Variants in FANCM observed in about 807,000 individuals in gnomAD.
The protein encoded by FANCM is FA complementation group M, also known as Fanconi anemia group M protein.
FANCM carries 140 observed loss-of-function variants against 199.5 expected under a neutral mutation model. The ratio of observed to expected loss-of-function variants is 0.70; its 90% confidence interval spans 0.61 to 0.81. FANCM has a LOEUF of 0.81. Among genes scored for constraint, FANCM ranks in the 30% least tolerant of loss-of-function variants. The pLI, the probability that FANCM is intolerant of heterozygous loss-of-function variation, is 0.00. For synonymous variants in FANCM, 840 were observed against 836.8 expected, an observed-to-expected ratio of 1.00 and a Z score of -0.07; for missense variants, 2,410 against 2,421.4, an observed-to-expected ratio of 1.00 and a Z score of 0.10.
At chr14:45,161,271 C>G (rs1027864164) in intron 9 of FANCM, among the ~76,000 whole-genome samples, 6 of 152,140 alleles carry the variant, frequency 3.9e-5, no homozygotes, top group Non-Finnish European at 7.3e-5. Context: ...GCTTTCATAA[C>G]AGCTGTTTTA....
intron 18 of FANCM, 142 bp from the exon 19 acceptor site, chr14:45,187,639 T>C (rs1889489695): frequency 1.8e-6 from 1 of 560,124 alleles, no homozygotes; most frequent in Admixed American, 3.2e-5. Context: ...TTTATAGATA[T>C]CTTTTAATAT....
Position 45,164,408 on chromosome 14 carries a change from G to C in FANCM, c.1631G>C (p.Cys544Ser). 1 of 1,613,492 alleles carries C rather than the reference G, an allele frequency of 6.2e-7. No homozygotes were observed. The highest frequency in any genetic ancestry group is 1.1e-5 in the South Asian group (1 of 91,052). The change falls in exon 10 of 23, where the codon TGT (cysteine) becomes TCT (serine). Residue 544 changes from cysteine (C) to serine (S), a missense_variant. By Grantham distance (112) the Cys-to-Ser change is moderately radical. Coordinates refer to ENST00000267430, the MANE Select transcript of FANCM (RefSeq NM_020937.4). ...GGTTACAACACGCTGGTTTCTACCT[G>C]TGTGGGTGAAGAAGGTTTGGATATA... The part of the protein sequence containing the change: ...DGGYNTLVST[C>S]VGEEGLDIGE...
intron 9 of FANCM, among the ~76,000 whole-genome samples, chr14:45,161,886 A>G (rs985600616): frequency 1.3e-5 from 2 of 152,224 alleles, no homozygotes; most frequent in Non-Finnish European, 1.5e-5. Context: ...TAAGCTGAAG[A>G]TGATGGTGAC....
chr14:45,185,367 A>G lies in FANCM; in HGVS notation c.4666A>G (p.Ile1556Val), dbSNP rs149654959. ...TGATGAAACTCAACTTTCACAGGCTATAAATGGTAAATGTTATAATGATCC... is the reference window on the plus strand; with the variant it reads ...TGATGAAACTCAACTTTCACAGGCTGTAAATGGTAAATGTTATAATGATCC... The part of the protein sequence containing the change: ...LNDETQLSQA[I>V]NDSEMRAIYM... Residue 1556 changes from isoleucine (I) to valine (V), a missense_variant, in exon 18 of 23, where the codon ATA (isoleucine) becomes GTA (valine). By Grantham distance (29) the Ile-to-Val change is conservative. Coordinates refer to ENST00000267430, the MANE Select transcript of FANCM (RefSeq NM_020937.4). The G allele has an allele frequency of 1.3e-5, 20 of 1,571,048 alleles. No individual in the cohort carries two copies. The highest frequency in any genetic ancestry group is 1.6e-5 in the Non-Finnish European group (18 of 1,148,240).
chr14:45,151,453 T>C lies in FANCM; in HGVS notation c.975T>C (p.Asp325=), dbSNP rs765094256. 2.9e-5 allele frequency: 47 copies of C among 1,612,262 alleles called. No homozygotes were observed. Among genetic ancestry groups the C allele is most frequent in the Non-Finnish European group, 3.2e-5 (38 of 1,178,444 alleles). The change falls in exon 5 of 23, where the codon GAT becomes GAC. Residue 325 remains aspartate (D), a synonymous_variant. Coordinates refer to ENST00000267430, the MANE Select transcript of FANCM (RefSeq NM_020937.4). The part of the protein sequence containing the change: ...LIQRNVLMRR[D]IPNLTKYQII... ...AGAGGAATGTTTTGATGAGAAGGGATATCCCAAATCTAACAAAATATCAGA... is the reference window on the plus strand; with the variant it reads ...AGAGGAATGTTTTGATGAGAAGGGACATCCCAAATCTAACAAAATATCAGA...
intron 19 of FANCM, among the ~76,000 whole-genome samples, chr14:45,188,263 CG>C (rs957586544): frequency 3.3e-5 from 5 of 152,050 alleles, no homozygotes; most frequent in African/African-American, 1.2e-4. Context: ...TGCTTGAACC[CG>C]GGAGGCAGAG....
At chr14:45,160,940 C>T (rs1344891577) in intron 9 of FANCM, among the ~76,000 whole-genome samples, 1 of 151,610 alleles carries the variant, frequency 6.6e-6, no homozygotes, top group African/African-American at 2.4e-5. Flanking sequence ...GAAAATAATA[C>T]TTTTGCCTAT....
chr14:45,195,660 C>T (rs746420108), intron 20 of FANCM: 2 of 404,890 alleles, frequency 4.9e-6, no homozygotes, highest in Non-Finnish European at 9.9e-6. Context: ...TCCTTACTTT[C>T]TGGTCAGACC....
chr14:45,151,842 T>C (rs540504003), intron 5 of FANCM, among the ~76,000 whole-genome samples: 2 of 147,338 alleles, frequency 1.4e-5, no homozygotes, highest in South Asian at 2.1e-4. Flanking sequence ...TGAGCCTGGG[T>C]GGTCGAGGCT....
rs1450448006 is a variant in FANCM, at chr14:45,184,381, G to T, written c.4515+479G>T. Among the ~76,000 whole-genome samples, 3 of 152,154 alleles carry T rather than the reference G, an allele frequency of 2.0e-5. No individual in the cohort carries two copies. The East Asian group carries it at 5.8e-4, about 29-fold the overall frequency. ...ATGCTTATTAAGAAACATCAAGCAG[G>T]CTGGGCGCGGTGGCTCACGCCTGTA... On this transcript the variant is annotated intron_variant, in intron 17 of 22. Coordinates refer to ENST00000267430, the MANE Select transcript of FANCM (RefSeq NM_020937.4).
At chr14:45,174,926 G>T in intron 13 of FANCM, 145 bp from the exon 14 acceptor site, 1 of 560,650 alleles carries the variant, frequency 1.8e-6, no homozygotes, top group Non-Finnish European at 3.1e-6. Context: ...TTGATTTATC[G>T]GAATAACTTT....
intron 7 of FANCM, among the ~76,000 whole-genome samples, chr14:45,155,051 CAT>C (rs1887083432): frequency 6.6e-6 from 1 of 152,060 alleles, no homozygotes; most frequent in African/African-American, 2.4e-5. Context: ...AAACTTTAAA[CAT>C]ATAACAGATG....
chr14:45,169,883 T>C (rs1204362696), intron 11 of FANCM, among the ~76,000 whole-genome samples: 3 of 152,076 alleles, frequency 2.0e-5, no homozygotes, highest in Non-Finnish European at 4.4e-5. Flanking sequence ...ACAAGTCTGT[T>C]CCCCCTACAC....
intron 14 of FANCM, among the ~76,000 whole-genome samples, chr14:45,180,635 C>T (rs1371566185): frequency 6.6e-6 from 1 of 152,032 alleles, no homozygotes; most frequent in East Asian, 1.9e-4. Flanking sequence ...AGGGTTCTGT[C>T]ATGTTGCCCA....
chr14:45,166,577 C>T (rs927460664), intron 10 of FANCM, among the ~76,000 whole-genome samples: 13 of 151,998 alleles, frequency 8.6e-5, no homozygotes, highest in Non-Finnish European at 1.8e-4. Context: ...CCTTGGAGTT[C>T]AAGACTAGCC....
intron 3 of FANCM, among the ~76,000 whole-genome samples, chr14:45,141,106 G>C (rs1236203562): frequency 6.6e-6 from 1 of 151,942 alleles, no homozygotes; most frequent in African/African-American, 2.4e-5. Flanking sequence ...GGTTAACACG[G>C]TGAAACCCGG....
rs1414947121 is a variant in FANCM at position 45,189,104 on chromosome 14, T to C, written c.5082T>C (p.Thr1694=). 1 of 1,614,202 alleles carries C rather than the reference T, an allele frequency of 6.2e-7. No homozygotes were observed. Among genetic ancestry groups the C allele is most frequent in the Non-Finnish European group, 8.5e-7 (1 of 1,180,008 alleles). The change falls in exon 20 of 23, where the codon ACT becomes ACC. Residue 1694 remains threonine (T), a synonymous_variant. Coordinates refer to ENST00000267430, the MANE Select transcript of FANCM (RefSeq NM_020937.4). ...CTAATATTGCGGTTAACCCAAGCAC[T>C]GTTAAGAAGAACAAACAACAGGACC... ...RESNIAVNPS[T]VKKNKQQDHC...
intron 20 of FANCM, among the ~76,000 whole-genome samples, chr14:45,194,313 A>C (rs372099082): frequency 2.6e-5 from 4 of 151,702 alleles, no homozygotes; most frequent in South Asian, 2.1e-4. Flanking sequence ...AAAAAAAAAA[A>C]AACAAAAAAA....
chr14:45,185,319 T>G lies in FANCM; in HGVS notation c.4618T>G (p.Ser1540Ala), dbSNP rs1393593836. 2 of 1,595,430 alleles carry G rather than the reference T, an allele frequency of 1.3e-6. No individual in the cohort carries two copies. The highest frequency in any genetic ancestry group is 8.6e-7 in the Non-Finnish European group (1 of 1,165,812). Residue 1540 changes from serine (S) to alanine (A), a missense_variant, in exon 18 of 23, where the codon TCC becomes GCC. By Grantham distance (99) the Ser-to-Ala change is moderately conservative. Transcript: ENST00000267430. ...TGATGAGTCAGAAAATGAACAAGAT[T>G]CCTCATTACTTGACTTTTTAAATGA... The part of the protein sequence containing the change: ...ENDESENEQD[S>A]SLLDFLNDET...
Sources: gnomAD v4.1 joint callset for allele counts (sites outside exome capture counted in the v4.1 genomes callset) on GRCh38, gnomAD v4.1.1 for gene constraint, MANE v1.5 for transcripts, NCBI Gene and HGNC (gene_info 2026-07-23, HGNC 2026-07-21) for gene names.